ITPR1: variants seen among roughly 807,000 people sequenced by gnomAD.
ITPR1 encodes the protein inositol 1,4,5-trisphosphate receptor type 1, also known as inositol 1,4,5-trisphosphate-gated calcium channel ITPR1.
In ITPR1, 96 loss-of-function variants were observed where a neutral mutation model predicts 318.4. The ratio of observed to expected loss-of-function variants is 0.30; its 90% CI spans 0.26 to 0.36. ITPR1 has a LOEUF of 0.36. ITPR1 is among the 10% of genes least tolerant of loss of function. The pLI, the probability that ITPR1 is intolerant of heterozygous loss-of-function variation, is 1.00. For synonymous variants in ITPR1, 1,312 were observed against 1,289.9 expected, an observed-to-expected ratio of 1.02 and a Z score of -0.37; for missense variants, 2,440 against 3,460.2, an observed-to-expected ratio of 0.71 and a Z score of 7.40.
intron 36 of ITPR1, among the ~76,000 whole-genome samples, chr3:4,705,383 T>G (rs1025894511): frequency 2.0e-5 from 3 of 152,224 alleles, no homozygotes; most frequent in Non-Finnish European, 4.4e-5. Flanking sequence ...CTGACACTGG[T>G]ACAGTGCTAT....
Position 4,691,247 on chromosome 3 carries a change from C to T in ITPR1, c.3932C>T (p.Thr1311Ile). ...VVQHFVHCIETHGRNVQYIKF... is the reference protein window; with the variant it reads ...VVQHFVHCIEIHGRNVQYIKF... ...CAGCACTTCGTTCACTGCATAGAGA[C>T]TCACGGTCGGAATGTCCAGTATATA... Residue 1311 changes from threonine (T) to isoleucine (I), a missense_variant, in exon 32 of 62, where the codon ACT (threonine) becomes ATT (isoleucine). By Grantham distance (89) the Thr-to-Ile change is moderately conservative. Around this residue, in one of 23 missense-constraint regions of ITPR1, gnomAD observed 222 missense variants for 318.8 expected, o/e 0.70. Transcript: ENST00000649015. The T allele has an allele frequency of 1.2e-6, 2 of 1,612,838 alleles. No individual in the cohort carries two copies. Among genetic ancestry groups the T allele is most frequent in the Non-Finnish European group, 1.7e-6 (2 of 1,178,982 alleles).
At chr3:4,844,511 C>T (rs1018442308) in intron 61 of ITPR1, among the ~76,000 whole-genome samples, 1 of 152,216 alleles carries the variant, frequency 6.6e-6, no homozygotes, top group African/African-American at 2.4e-5. Context: ...TCAAGGTTAC[C>T]TGCCAAGGGA....
At chr3:4,610,210 C>T (rs928313252) in intron 4 of ITPR1, among the ~76,000 whole-genome samples, 1 of 152,144 alleles carries the variant, frequency 6.6e-6, no homozygotes, top group Non-Finnish European at 1.5e-5. Flanking sequence ...CTTCTTACTG[C>T]CTCTCCCATC....
Position 4,675,152 on chromosome 3 carries a change from A to G in ITPR1, c.2683A>G (p.Ile895Val), listed in dbSNP as rs750473506. 1.9e-6 allele frequency: 3 copies of G among 1,610,382 alleles called. No homozygotes were observed. Among genetic ancestry groups the G allele is most frequent in the Non-Finnish European group, 2.5e-6 (3 of 1,176,780 alleles). Reference sequence around the variant, plus strand: ...ACGATTAACTAAGATCCTTCTGGCCATATTGGACTGTGTACATGTGACAAC... The same window carrying G: ...ACGATTAACTAAGATCCTTCTGGCCGTATTGGACTGTGTACATGTGACAAC... ...LLRLTKILLA[I>V]LDCVHVTTIF... is the part of the protein sequence containing the mutation. The change falls in exon 23 of 62, where the codon ATA becomes GTA. Residue 895 changes from isoleucine (I) to valine (V), a missense_variant. Coordinates refer to ENST00000649015, the MANE Select transcript of ITPR1 (RefSeq NM_001378452.1).
intron 4 of ITPR1, among the ~76,000 whole-genome samples, chr3:4,556,469 C>G (rs1358664618): frequency 6.6e-6 from 1 of 151,804 alleles, no homozygotes; most frequent in East Asian, 1.9e-4. Context: ...CCTATTTATT[C>G]TTCCCTCCCC....
intron 54 of ITPR1, among the ~76,000 whole-genome samples, chr3:4,800,871 G>A (rs189697210): frequency 1.3e-5 from 2 of 152,328 alleles, no homozygotes; most frequent in Admixed American, 1.3e-4. Context: ...AGAAAAAGTG[G>A]TAGTGCTTTG....
At chr3:4,605,788 G>A (rs527322197) in intron 4 of ITPR1, among the ~76,000 whole-genome samples, 10 of 152,240 alleles carry the variant, frequency 6.6e-5, no homozygotes, top group Admixed American at 3.9e-4. Flanking sequence ...TATCGCTGAG[G>A]CCTAGAGTGT....
intron 33 of ITPR1, among the ~76,000 whole-genome samples, chr3:4,694,642 A>G (rs2094529938): frequency 6.6e-6 from 1 of 152,212 alleles, no homozygotes; most frequent in African/African-American, 2.4e-5. Flanking sequence ...AAACATGCAC[A>G]ACATGTGACT....
At chr3:4,632,913 G>A (rs1251180734) in intron 5 of ITPR1, among the ~76,000 whole-genome samples, 1 of 139,102 alleles carries the variant, frequency 7.2e-6, no homozygotes, top group Non-Finnish European at 1.5e-5. Flanking sequence ...TAAGATTACT[G>A]ATGTGACTTT....
intron 22 of ITPR1, 51 bp downstream of exon 22, chr3:4,674,394 T>G: frequency 6.8e-7 from 1 of 1,477,448 alleles, no homozygotes; most frequent in Non-Finnish European, 9.1e-7. Context: ...TCAGTGGTCA[T>G]TTTTCTATGG....
intron 33 of ITPR1, among the ~76,000 whole-genome samples, chr3:4,696,045 C>A (rs2094552657): frequency 6.6e-6 from 1 of 152,088 alleles, no homozygotes; most frequent in Admixed American, 6.6e-5. Context: ...ATCATCAGAT[C>A]CTTTATTATT....
rs1296159723 is a variant in ITPR1, at chr3:4,688,584, G to A, written c.3792G>A (p.Leu1264=). 20 of 1,613,860 alleles carry A rather than the reference G, an allele frequency of 1.2e-5. No individual in the cohort carries two copies. Among genetic ancestry groups the A allele is most frequent in the Non-Finnish European group, 1.7e-5 (20 of 1,179,864 alleles). The stretch of plus-strand genomic sequence containing the variant: ...CAGGCAACCAGCAGAATCAAGCTTT[G>A]CTACATAAACACATAAACCTGTTTC... ...FCAGNQQNQA[L]LHKHINLFLN... Residue 1264 remains leucine (L), a synonymous_variant, in exon 31 of 62, where the codon TTG becomes TTA. Transcript: ENST00000649015.
chr3:4,584,302 TG>T (rs1179380747), intron 4 of ITPR1, among the ~76,000 whole-genome samples: 1 of 152,166 alleles, frequency 6.6e-6, no homozygotes, highest in African/African-American at 2.4e-5. Context: ...TATCCTTCTC[TG>T]GTTCCTAAGT....
chr3:4,780,886 G>A (rs1486581183), intron 49 of ITPR1, among the ~76,000 whole-genome samples: 1 of 152,190 alleles, frequency 6.6e-6, no homozygotes, highest in Non-Finnish European at 1.5e-5. Flanking sequence ...TCTCAGGTGG[G>A]GAAAATGTCA....
intron 38 of ITPR1, chr3:4,711,486 C>G (rs1484156303): frequency 2.8e-6 from 1 of 356,406 alleles, no homozygotes; most frequent in Non-Finnish European, 5.2e-6. Flanking sequence ...ACCTCTGTCT[C>G]GGTTCTCCTC....
chr3:4,608,965 C>T (rs2091888526), intron 4 of ITPR1, among the ~76,000 whole-genome samples: 1 of 137,024 alleles, frequency 7.3e-6, no homozygotes, highest in Admixed American at 7.6e-5. Flanking sequence ...TCACGCACTG[C>T]ACTCCAGCCT....
chr3:4,526,031 C>T (rs548072541), intron 4 of ITPR1, among the ~76,000 whole-genome samples: 8 of 152,304 alleles, frequency 5.3e-5, no homozygotes, highest in Admixed American at 2.0e-4. Flanking sequence ...TAGTGTTGAT[C>T]ATGCCATTAT....
At chr3:4,732,683 G>A (rs73807143) in intron 42 of ITPR1, among the ~76,000 whole-genome samples, 1 of 151,626 alleles carries the variant, frequency 6.6e-6, no homozygotes, top group Non-Finnish European at 1.5e-5. Flanking sequence ...ATATTTTTTC[G>A]GACCTTGGGA....
At chr3:4,784,426 G>A (rs2047032537) in intron 51 of ITPR1, among the ~76,000 whole-genome samples, 3 of 152,100 alleles carry the variant, frequency 2.0e-5, no homozygotes, top group South Asian at 4.1e-4. Flanking sequence ...AGGGAGATCC[G>A]AAGGGAAAGG....
Sources: gnomAD v4.1 joint callset for allele counts (sites outside exome capture counted in the v4.1 genomes callset) on GRCh38, gnomAD v4.1.1 for gene constraint, gnomAD v4.1.1 regional missense constraint, MANE v1.5 for transcripts, NCBI Gene and HGNC (gene_info 2026-07-23, HGNC 2026-07-21) for gene names.